CFAP54: variants seen among roughly 807,000 people sequenced by gnomAD.
The protein encoded by CFAP54 is cilia- and flagella-associated protein 54.
Under a neutral mutation model 370.4 loss-of-function variants are expected in CFAP54, and 290 were observed. The observed-to-expected ratio is 0.78, with a 90% CI of 0.71 to 0.86. CFAP54 has a LOEUF of 0.86. Among genes scored for constraint, CFAP54 ranks in the 40% least tolerant of loss-of-function variants. The pLI, the probability that CFAP54 is intolerant of heterozygous loss-of-function variation, is 0.00. For missense variants in CFAP54, 3,399 were observed against 3,528.7 expected, an observed-to-expected ratio of 0.96 and a Z score of 0.93; for synonymous variants, 1,206 against 1,236.5, an observed-to-expected ratio of 0.98 and a Z score of 0.52.
intron 26 of CFAP54, among the ~76,000 whole-genome samples, chr12:96,617,730 G>T (rs925953762): frequency 6.6e-6 from 1 of 152,094 alleles, no homozygotes; most frequent in Non-Finnish European, 1.5e-5. Flanking sequence ...GGTGGCTCAC[G>T]CCTGTAATCC....
intron 39 of CFAP54, among the ~76,000 whole-genome samples, chr12:96,677,183 A>ATT (rs71068824): frequency 3.8e-4 from 57 of 150,840 alleles, no homozygotes; most frequent in African/African-American, 6.6e-4. Context: ...ATTTTATTTT[A>ATT]TTTTTTTTGT....
chr12:96,838,933 C>T (rs768388574), intron 66 of CFAP54, among the ~76,000 whole-genome samples: 4 of 152,144 alleles, frequency 2.6e-5, no homozygotes, highest in Admixed American at 6.6e-5. Context: ...CTGTCATAGC[C>T]GAGTCGGGCA....
chr12:96,827,991 G>A (rs1407405971), intron 65 of CFAP54, among the ~76,000 whole-genome samples: 1 of 106,264 alleles, frequency 9.4e-6, no homozygotes, highest in Non-Finnish European at 1.8e-5. Context: ...ATTATATATA[G>A]TTATATATAA....
At chr12:96,623,191 G>GT (rs62857161) in intron 27 of CFAP54, among the ~76,000 whole-genome samples, 94,861 of 149,638 alleles carry the variant, frequency 0.63, 29,995 homozygotes, top group Admixed American at 0.68. Flanking sequence ...GGGCTTGGAA[G>GT]TTTTTTTTTT....
intron 67 of CFAP54, among the ~76,000 whole-genome samples, chr12:96,872,746 G>A (rs897623202): frequency 6.6e-6 from 1 of 152,190 alleles, no homozygotes; most frequent in African/African-American, 2.4e-5. Flanking sequence ...AGCCATTGAT[G>A]TGGGGTAGCT....
intron 23 of CFAP54, among the ~76,000 whole-genome samples, chr12:96,590,228 A>G (rs76533555): frequency 0.013 from 1,920 of 152,344 alleles, 21 homozygotes; most frequent in Non-Finnish European, 0.018. Context: ...TGACAGGTTG[A>G]CTGTTAGGGT....
At chr12:96,832,876 A>C (rs1436732652) in intron 66 of CFAP54, among the ~76,000 whole-genome samples, 1 of 152,196 alleles carries the variant, frequency 6.6e-6, no homozygotes. Flanking sequence ...TTCCACTGAA[A>C]ATAAGACTCA....
chr12:96,699,930 A>G, intron 45 of CFAP54, 41 bp from the exon 46 acceptor site: 1 of 1,483,394 alleles, frequency 6.7e-7, no homozygotes, highest in Non-Finnish European at 9.2e-7. Context: ...AGTAAAACAA[A>G]TTGTTTAATT....
intron 26 of CFAP54, among the ~76,000 whole-genome samples, 171 bp from the exon 27 acceptor site, chr12:96,621,419 C>T (rs753273741): frequency 4.0e-5 from 6 of 151,530 alleles, no homozygotes; most frequent in Non-Finnish European, 5.9e-5. Context: ...TTTAGTTGCA[C>T]TCAATGTGTT....
At chr12:96,863,526 C>G (rs1018139136) in intron 67 of CFAP54, among the ~76,000 whole-genome samples, 1 of 152,184 alleles carries the variant, frequency 6.6e-6, no homozygotes, top group African/African-American at 2.4e-5. Flanking sequence ...AGCTCTTCAT[C>G]GCTAAGCTGG....
intron 49 of CFAP54, among the ~76,000 whole-genome samples, chr12:96,719,262 A>G (rs1195644544): frequency 6.6e-6 from 1 of 152,240 alleles, no homozygotes; most frequent in Non-Finnish European, 1.5e-5. Flanking sequence ...GACTAATATC[A>G]TACAACTAAT....
At chr12:96,791,847 T>C (rs1592763840) in intron 62 of CFAP54, among the ~76,000 whole-genome samples, 2 of 151,444 alleles carry the variant, frequency 1.3e-5, no homozygotes, top group East Asian at 2.0e-4. Context: ...AAGCATTTTT[T>C]TTTCTTTTTT....
At chr12:96,618,918 G>C (rs1314929458) in intron 26 of CFAP54, among the ~76,000 whole-genome samples, 2 of 152,150 alleles carry the variant, frequency 1.3e-5, no homozygotes, top group Non-Finnish European at 2.9e-5. Flanking sequence ...CTGAGACAGA[G>C]ATCAGGCATG....
chr12:96,609,919 C>T (rs545193424), intron 26 of CFAP54, among the ~76,000 whole-genome samples: 3 of 152,320 alleles, frequency 2.0e-5, no homozygotes, highest in East Asian at 3.8e-4. Context: ...CACCAAGTTC[C>T]TGAACAGGTA....
At position 96,870,264 on chromosome 12, in the gene CFAP54, A is replaced by G. The variant is rs7954143; in HGVS notation, c.*15-4854A>G. Reference sequence around the variant, plus strand: ...GACAGAGTGAGACTCCATCTCAAAGAAAAAAAAAAAAGAAAACAGATTATT... The same window carrying G: ...GACAGAGTGAGACTCCATCTCAAAGGAAAAAAAAAAAGAAAACAGATTATT... On this transcript the variant is annotated intron_variant, in intron 67 of 67. Transcript: ENST00000524981. Among the ~76,000 whole-genome samples, 352 of 143,462 alleles carry G rather than the reference A, an allele frequency of 2.5e-3. 2 individuals are homozygous for G. The highest frequency in any genetic ancestry group is 8.7e-3 in the African/African-American group (326 of 37,550). 94.1% of individuals were successfully genotyped at this position (143,462 alleles called of 152,430 possible). A position where few individuals can be genotyped will look rare whatever the true frequency, so the allele number is the denominator to read the frequency against.
At chr12:96,756,620 T>TGTA in intron 57 of CFAP54, 57 bp downstream of exon 57, 1 of 1,149,260 alleles carries the variant, frequency 8.7e-7, no homozygotes, top group Non-Finnish European at 1.3e-6. Flanking sequence ...CCCGTGTTCT[T>TGTA]GTAGTACATT....
intron 9 of CFAP54, 124 bp downstream of exon 9, chr12:96,527,568 G>GTTGT: frequency 1.6e-6 from 1 of 612,986 alleles, no homozygotes; most frequent in Non-Finnish European, 2.5e-6. Flanking sequence ...TTTTTGTTTG[G>GTTGT]TTGTTTGTTT....
chr12:96,741,454 C>T (rs1391137798), intron 51 of CFAP54, among the ~76,000 whole-genome samples: 5 of 152,120 alleles, frequency 3.3e-5, no homozygotes, highest in East Asian at 3.9e-4. Flanking sequence ...TGAGCCACCG[C>T]GCCGCGCATG....
intron 9 of CFAP54, among the ~76,000 whole-genome samples, chr12:96,529,371 T>C (rs1033624073): frequency 6.6e-5 from 10 of 152,256 alleles, no homozygotes; most frequent in African/African-American, 2.2e-4. Flanking sequence ...ACATCTGCTA[T>C]GCATTTCTGT....
Sources: gnomAD v4.1 joint callset for allele counts (sites outside exome capture counted in the v4.1 genomes callset) on GRCh38, gnomAD v4.1.1 for gene constraint, MANE v1.5 for transcripts, NCBI Gene and HGNC (gene_info 2026-07-23, HGNC 2026-07-21) for gene names.